The following NIPSNAP3A variants were observed in gnomAD, a reference collection of about 807,000 sequenced individuals.
NIPSNAP3A encodes the protein nipsnap homolog 3A, also known as protein NipSnap homolog 3A.
In NIPSNAP3A, 27 loss-of-function variants were observed where a neutral mutation model predicts 32.3. That is an observed-to-expected ratio of 0.84 (90% CI 0.62 to 1.15). The LOEUF (loss-of-function observed/expected upper bound fraction) is 1.15. Among genes scored for constraint, NIPSNAP3A ranks in the 50% most tolerant of loss-of-function variants. NIPSNAP3A has a pLI of 0.00. For synonymous variants in NIPSNAP3A, 108 were observed against 107.3 expected, an observed-to-expected ratio of 1.01 and a Z score of -0.04; for missense variants, 278 against 297.2, an observed-to-expected ratio of 0.94 and a Z score of 0.48.
chr9:104,757,402 C>A (rs1031517579), intron 4 of NIPSNAP3A, among the ~76,000 whole-genome samples: 17 of 152,100 alleles, frequency 1.1e-4, no homozygotes, highest in Non-Finnish European at 2.2e-4. Flanking sequence ...GTAAACCTCA[C>A]CATACCTTAG....
At chr9:104,747,969 C>G (rs1439825536) in intron 1 of NIPSNAP3A, 117 bp downstream of exon 1, 1 of 1,069,740 alleles carries the variant, frequency 9.3e-7, no homozygotes, top group African/African-American at 1.6e-5. Flanking sequence ...GCGCCCAGAC[C>G]TGGGGCCCCG....
At chr9:104,751,281 C>T (rs928806687) in intron 2 of NIPSNAP3A, 115 bp downstream of exon 2, 4 of 945,974 alleles carry the variant, frequency 4.2e-6, no homozygotes, top group Non-Finnish European at 6.8e-6. Flanking sequence ...ATTTTAGATA[C>T]ATACAGGTTA....
intron 4 of NIPSNAP3A, among the ~76,000 whole-genome samples, chr9:104,755,069 G>A (rs1431793374): frequency 3.3e-5 from 5 of 152,072 alleles, no homozygotes; most frequent in Non-Finnish European, 5.9e-5. Flanking sequence ...GTGAAACCCC[G>A]TCTCTAGTAA....
At chr9:104,758,278 G>A (rs1013506475) in intron 4 of NIPSNAP3A, among the ~76,000 whole-genome samples, 6 of 152,008 alleles carry the variant, frequency 3.9e-5, no homozygotes, top group African/African-American at 1.4e-4. Flanking sequence ...TATACAATAA[G>A]ACCCTGATTT....
chr9:104,757,743 A>G (rs892981605), intron 4 of NIPSNAP3A, among the ~76,000 whole-genome samples: 5 of 152,170 alleles, frequency 3.3e-5, no homozygotes, highest in Non-Finnish European at 7.3e-5. Context: ...TTATTTGTAT[A>G]CATATACAAC....
intron 3 of NIPSNAP3A, chr9:104,753,798 G>A (rs1434352812): frequency 6.6e-6 from 1 of 152,204 alleles, no homozygotes; most frequent in Non-Finnish European, 1.5e-5. Context: ...TACCTACTTA[G>A]GTGTCCCCTC....
intron 4 of NIPSNAP3A, 88 bp from the exon 5 acceptor site, chr9:104,758,997 G>C: frequency 3.8e-6 from 2 of 522,068 alleles, no homozygotes; most frequent in Non-Finnish European, 3.0e-6. Context: ...AAAAAAAAAA[G>C]AATAGGATGG....
chr9:104,759,289 C>T lies in NIPSNAP3A; in HGVS notation c.695C>T (p.Ser232Phe), dbSNP rs750598286. The change falls in exon 6 of 6, where the codon TCT becomes TTT. Residue 232 changes from serine (S) to phenylalanine (F), a missense_variant. By Grantham distance (155) the Ser-to-Phe change is radical. Coordinates refer to ENST00000374767, the MANE Select transcript of NIPSNAP3A (RefSeq NM_015469.3). ...CGGGAAAGTGTCAACTACCTAGTAT[C>T]TCAGCAGAATATGCTTCTGATTCCT... ...AVRESVNYLV[S>F]QQNMLLIPTS... 16 of 1,614,108 alleles carry T rather than the reference C, an allele frequency of 9.9e-6. No homozygotes were observed. In the South Asian group the frequency reaches 1.5e-4, roughly 16 times the overall value.
chr9:104,751,532 GT>G lies in NIPSNAP3A; in HGVS notation c.271+367del, dbSNP rs1827848959. Among the ~76,000 whole-genome samples the G allele has an allele frequency of 2.0e-5, 3 of 152,154 alleles. No individual in the cohort carries two copies. The South Asian group carries it at 6.2e-4, about 31-fold the overall frequency. On this transcript the variant is annotated intron_variant, in intron 2 of 5. Transcript: ENST00000374767. ...TAAAGCAGCAATTGTAAAAGTCCAA[GT>G]GGATTAAGATCACAAAAGGAAAGGA...
intron 1 of NIPSNAP3A, 53 bp downstream of exon 1, chr9:104,747,905 G>A: frequency 2.0e-6 from 3 of 1,505,834 alleles, no homozygotes; most frequent in African/African-American, 1.4e-5. Context: ...GGAGGGGCGG[G>A]GCGGGGAGTG....
rs1403470803 is a variant in NIPSNAP3A, at chr9:104,747,852, G to A, written c.60G>A (p.Gln20=). 2.5e-6 allele frequency: 4 copies of A among 1,607,920 alleles called. No homozygotes were observed. Among genetic ancestry groups the A allele is most frequent in the Admixed American group, 1.7e-5 (1 of 59,642 alleles). ...TGGCCTCACGGACGCTGGCGCCTCA[G>A]GTACCGGCCACGGGGGTACCCAAGC... is the stretch of plus-strand genomic sequence containing the variant. ...RALASRTLAP[Q]MCSSFATGPR... is the part of the protein sequence containing the mutation. Residue 20 remains glutamine (Q), a splice_region_variant and synonymous_variant, in exon 1 of 6, where the codon CAG becomes CAA. Coordinates refer to ENST00000374767, the MANE Select transcript of NIPSNAP3A (RefSeq NM_015469.3).
chr9:104,757,976 A>G (rs923476927), intron 4 of NIPSNAP3A, among the ~76,000 whole-genome samples: 3 of 152,080 alleles, frequency 2.0e-5, no homozygotes, highest in Admixed American at 6.5e-5. Flanking sequence ...AAAGAGATAC[A>G]CCAAAAATAA....
At chr9:104,754,988 C>A (rs1156923800) in intron 4 of NIPSNAP3A, among the ~76,000 whole-genome samples, 5 of 152,216 alleles carry the variant, frequency 3.3e-5, no homozygotes, top group Non-Finnish European at 5.9e-5. Flanking sequence ...GGCCTGTAAT[C>A]CCAGCACTTT....
chr9:104,747,775 C>T lies in NIPSNAP3A; in HGVS notation c.-18C>T, dbSNP rs764508036. The T allele has an allele frequency of 2.5e-6, 4 of 1,605,126 alleles. No individual in the cohort carries two copies. The highest frequency in any genetic ancestry group is 3.4e-6 in the Non-Finnish European group (4 of 1,177,346). On this transcript the variant is annotated 5_prime_UTR_variant, in exon 1 of 6. Transcript: ENST00000374767. Reference sequence around the variant, plus strand: ...AAAGGACACGGCTGGCTGCTTTTCTCAGCGCCGAAGCCGCGCCATGCTCGT... The same window carrying T: ...AAAGGACACGGCTGGCTGCTTTTCTTAGCGCCGAAGCCGCGCCATGCTCGT...
chr9:104,756,216 G>C (rs1015220306), intron 4 of NIPSNAP3A, among the ~76,000 whole-genome samples: 2 of 152,012 alleles, frequency 1.3e-5, no homozygotes, highest in Non-Finnish European at 2.9e-5. Flanking sequence ...AGTCAAGCTG[G>C]ATTGTATATT....
At chr9:104,751,785 A>G (rs182931768) in intron 2 of NIPSNAP3A, among the ~76,000 whole-genome samples, 1 of 152,150 alleles carries the variant, frequency 6.6e-6, no homozygotes, top group Non-Finnish European at 1.5e-5. Flanking sequence ...ATACTACTCT[A>G]GGGAGGTAAA....
intron 2 of NIPSNAP3A, 48 bp downstream of exon 2, chr9:104,751,214 A>G (rs746277134): frequency 6.8e-7 from 1 of 1,460,748 alleles, no homozygotes; most frequent in Admixed American, 1.7e-5. Context: ...TTCATTTTTC[A>G]GTATAGATTT....
chr9:104,758,334 A>C (rs1421952343), intron 4 of NIPSNAP3A, among the ~76,000 whole-genome samples: 1 of 152,184 alleles, frequency 6.6e-6, no homozygotes, highest in Admixed American at 6.5e-5. Flanking sequence ...ATTTCCATAG[A>C]GGTTTTCTCT....
chr9:104,757,047 G>A (rs897470539), intron 4 of NIPSNAP3A, among the ~76,000 whole-genome samples: 4 of 151,892 alleles, frequency 2.6e-5, no homozygotes, highest in East Asian at 3.9e-4. Flanking sequence ...CGCCCGCCTC[G>A]GCCTCCCAAA....
Sources: allele counts gnomAD v4.1 joint callset (sites outside exome capture counted in the v4.1 genomes callset), GRCh38; gene constraint gnomAD v4.1.1; transcripts MANE v1.5; gene names NCBI Gene and HGNC (gene_info 2026-07-23, HGNC 2026-07-21).